DLGAP3: variants seen among roughly 807,000 people sequenced by gnomAD.
DLGAP3 encodes DLG associated protein 3.
Under a neutral mutation model 81.2 loss-of-function variants are expected in DLGAP3, and 17 were observed. The observed-to-expected ratio is 0.21, with a 90% CI of 0.14 to 0.31. The LOEUF is 0.31. Among genes scored for constraint, DLGAP3 ranks in the 10% least tolerant of loss-of-function variants. The pLI is 1.00. For synonymous variants in DLGAP3, 577 were observed against 587.4 expected (o/e 0.98, Z 0.26); for missense variants, 1,124 against 1,388.0 (o/e 0.81, Z 3.02).
rs149593922 is a variant in DLGAP3, at chr1:34,904,472, G to A, written c.912C>T (p.Arg304=). ...GGCAGCGGCCTTCCGACCCGCCCGA[G>A]CGCCCCTTGAAGCTCAAGTCCCGGT... ...GSYRDLSFKG[R]SGGSEGRCLA... Residue 304 remains arginine (R), a synonymous_variant, in exon 3 of 12, where the codon CGC becomes CGT. Coordinates refer to ENST00000373347, the MANE Select transcript of DLGAP3 (RefSeq NM_001080418.3). The surrounding 1 kb of genome is among the most constrained non-coding windows in gnomAD (Gnocchi z 8.1). 1.9e-6 allele frequency: 3 copies of A among 1,614,044 alleles called. No individual in the cohort carries two copies. Among genetic ancestry groups the A allele is most frequent in the Non-Finnish European group, 2.5e-6 (3 of 1,180,032 alleles).
chr1:34,876,409 G>A (rs1639057663), intron 8 of DLGAP3, among the ~76,000 whole-genome samples: 1 of 152,244 alleles, frequency 6.6e-6, no homozygotes, highest in Non-Finnish European at 1.5e-5. Flanking sequence ...ATACTGGGAT[G>A]AGCGAGACAG....
intron 5 of DLGAP3, among the ~76,000 whole-genome samples, chr1:34,898,588 T>G (rs1374648151): frequency 6.6e-6 from 1 of 152,194 alleles, no homozygotes; most frequent in Non-Finnish European, 1.5e-5. Flanking sequence ...TTGCATTGCA[T>G]TTTTTCCCCA....
intron 6 of DLGAP3, 92 bp downstream of exon 6, chr1:34,885,980 C>A: frequency 7.5e-7 from 1 of 1,327,954 alleles, no homozygotes; most frequent in Non-Finnish European, 1.0e-6. Context: ...GCGATCTGCG[C>A]GGGTCACAGC....
intron 1 of DLGAP3, among the ~76,000 whole-genome samples, chr1:34,908,638 A>G (rs1051746040): frequency 3.3e-5 from 5 of 152,188 alleles, no homozygotes; most frequent in African/African-American, 1.2e-4. Context: ...AAGCGTGATT[A>G]ATAGTAGTGG....
At chr1:34,889,660 G>A (rs542857297) in intron 5 of DLGAP3, among the ~76,000 whole-genome samples, 12 of 152,294 alleles carry the variant, frequency 7.9e-5, no homozygotes, top group South Asian at 2.1e-4. Flanking sequence ...AGGCAACATC[G>A]TGTATACTTT....
At chr1:34,921,909 G>A (rs1468943321) in intron 1 of DLGAP3, among the ~76,000 whole-genome samples, 2 of 152,164 alleles carry the variant, frequency 1.3e-5, no homozygotes, top group Non-Finnish European at 2.9e-5. Flanking sequence ...GTTAGAAAGT[G>A]CACCTATGTT....
chr1:34,873,000 G>A (rs2148394739), intron 8 of DLGAP3, among the ~76,000 whole-genome samples: 1 of 152,320 alleles, frequency 6.6e-6, no homozygotes, highest in East Asian at 1.9e-4. Flanking sequence ...AGAGAAGAGA[G>A]GAGGAACCAG....
At chr1:34,906,745 G>C (rs1055571382) in intron 2 of DLGAP3, among the ~76,000 whole-genome samples, 2 of 152,160 alleles carry the variant, frequency 1.3e-5, no homozygotes, top group Non-Finnish European at 2.9e-5. Flanking sequence ...AGGAACAGAG[G>C]GAAGGCAAGG....
rs376723839 is a variant in DLGAP3, at chr1:34,900,349, A to G, written c.1108-76T>C. The G allele has an allele frequency of 3.4e-5, 50 of 1,461,258 alleles. No individual in the cohort carries two copies. The East Asian group carries it at 9.0e-4, about 26-fold the overall frequency. The allele number at this position is 1,461,258 out of a possible 1,614,324, so 90.5% of individuals were successfully genotyped here. On this transcript the variant is annotated intron_variant, in intron 3 of 11. Coordinates refer to ENST00000373347, the MANE Select transcript of DLGAP3 (RefSeq NM_001080418.3). The surrounding 1 kb of genome is among the most constrained non-coding windows in gnomAD (Gnocchi z 5.6). Reference sequence around the variant, plus strand: ...AGGCCAGGACTCTTTCCCCACTGCCAGTGGGAGATGCCCTGCCCTGGCTTG... The same window carrying G: ...AGGCCAGGACTCTTTCCCCACTGCCGGTGGGAGATGCCCTGCCCTGGCTTG...
chr1:34,898,368 T>C (rs1392100432), intron 5 of DLGAP3, among the ~76,000 whole-genome samples: 2 of 152,196 alleles, frequency 1.3e-5, no homozygotes, highest in African/African-American at 4.8e-5. Context: ...AGTAAAGTCT[T>C]TCAGGAAGGA....
At chr1:34,899,830 T>C in intron 4 of DLGAP3, 89 bp from the exon 5 acceptor site, 1 of 1,253,338 alleles carries the variant, frequency 8.0e-7, no homozygotes, top group Non-Finnish European at 1.2e-6. Flanking sequence ...CCTGAGTAAG[T>C]CCTATTCCTC....
chr1:34,918,670 C>G (rs1383545385), intron 1 of DLGAP3, among the ~76,000 whole-genome samples: 1 of 152,194 alleles, frequency 6.6e-6, no homozygotes, highest in Non-Finnish European at 1.5e-5. Flanking sequence ...CTCTTATCCC[C>G]TCAGCCCCAG....
chr1:34,889,713 A>G (rs1172464605), intron 5 of DLGAP3, among the ~76,000 whole-genome samples: 1 of 152,224 alleles, frequency 6.6e-6, no homozygotes, highest in African/African-American at 2.4e-5. Context: ...AAACTCTCCC[A>G]TTTCAAAACA....
intron 8 of DLGAP3, among the ~76,000 whole-genome samples, chr1:34,879,713 T>C (rs975957502): frequency 6.6e-6 from 1 of 151,886 alleles, no homozygotes; most frequent in Non-Finnish European, 1.5e-5. Flanking sequence ...TAAAAATTCA[T>C]AGGTTAAAAA....
At chr1:34,909,299 T>A (rs1639605312) in intron 1 of DLGAP3, among the ~76,000 whole-genome samples, 1 of 152,170 alleles carries the variant, frequency 6.6e-6, no homozygotes, top group African/African-American at 2.4e-5. Flanking sequence ...ATGGGCCCTA[T>A]AATTGCTGCT....
intron 3 of DLGAP3, among the ~76,000 whole-genome samples, chr1:34,901,388 A>C (rs1294747325): frequency 6.6e-6 from 1 of 152,194 alleles, no homozygotes; most frequent in Non-Finnish European, 1.5e-5. Context: ...TTTCAAGAAT[A>C]AAAGGAGTCG....
At chr1:34,914,759 G>C (rs1245491838) in intron 1 of DLGAP3, among the ~76,000 whole-genome samples, 2 of 152,222 alleles carry the variant, frequency 1.3e-5, no homozygotes, top group Non-Finnish European at 2.9e-5. Flanking sequence ...ATGAGACTTG[G>C]AGACAGGGAG....
Position 34,866,040 on chromosome 1 carries a change from T to G in DLGAP3, c.*43A>C, listed in dbSNP as rs531723246. The G allele has an allele frequency of 1.3e-6, 2 of 1,526,246 alleles. No homozygotes were observed. The highest frequency in any genetic ancestry group is 1.1e-5 in the South Asian group (1 of 87,102). 94.5% of individuals were successfully genotyped at this position (1,526,246 alleles called of 1,614,324 possible). A position where few individuals can be genotyped will look rare whatever the true frequency, so the allele number is the denominator to read the frequency against. ...CTCGACGCTGGGTGTACAGTACGGGTGGAGAACCGCGGGCCCGGGCCGGGC... is the reference window on the plus strand; with the variant it reads ...CTCGACGCTGGGTGTACAGTACGGGGGGAGAACCGCGGGCCCGGGCCGGGC... On this transcript the variant is annotated 3_prime_UTR_variant, in exon 12 of 12. Coordinates refer to ENST00000373347, the MANE Select transcript of DLGAP3 (RefSeq NM_001080418.3).
intron 8 of DLGAP3, 117 bp from the exon 9 acceptor site, chr1:34,869,206 T>A: frequency 1.4e-6 from 1 of 719,828 alleles, no homozygotes; most frequent in Non-Finnish European, 2.3e-6. Flanking sequence ...TGATGGACAT[T>A]AACCTATGCA....
Sources: allele counts gnomAD v4.1 joint callset (sites outside exome capture counted in the v4.1 genomes callset), GRCh38; gene constraint gnomAD v4.1.1; non-coding constraint Gnocchi (gnomAD v3.1); transcripts MANE v1.5; gene names NCBI Gene and HGNC (gene_info 2026-07-23, HGNC 2026-07-21).